ATXN1: variants seen among roughly 807,000 people sequenced by gnomAD.
The protein encoded by ATXN1 is ataxin 1.
ATXN1 carries 8 observed loss-of-function variants against 56.4 expected under a neutral mutation model. That is an observed-to-expected ratio of 0.14 (90% CI 0.08 to 0.26). The LOEUF is 0.26. ATXN1 is among the 10% of genes least tolerant of loss of function. The pLI is 1.00. For synonymous variants in ATXN1, 514 were observed against 494.6 expected, an observed-to-expected ratio of 1.04 and a Z score of -0.52; for missense variants, 987 against 1,106.5, an observed-to-expected ratio of 0.89 and a Z score of 1.53.
Position 16,512,112 on chromosome 6 carries a change from C to G in ATXN1, c.-299+10515G>C, listed in dbSNP as rs2671402. On this transcript the variant is annotated intron_variant, in intron 5 of 7. Transcript: ENST00000436367. ...AACAGAACACACAAAGGCCTCCCCG[C>G]CTCCATTCAGCGTCAGGGTGATAAA... Among the ~76,000 whole-genome samples the G allele has an allele frequency of 5.9e-3, 895 of 151,966 alleles. 6 individuals are homozygous for G. The highest frequency in any genetic ancestry group is 9.0e-3 in the Non-Finnish European group (609 of 67,934).
intron 4 of ATXN1, among the ~76,000 whole-genome samples, chr6:16,532,756 G>A (rs1460345273): frequency 6.6e-6 from 1 of 152,130 alleles, no homozygotes; most frequent in African/African-American, 2.4e-5. Flanking sequence ...CAAGGATGTG[G>A]ACAAATTGGA....
intron 2 of ATXN1, among the ~76,000 whole-genome samples, chr6:16,687,607 A>C (rs1758943865): frequency 6.6e-6 from 1 of 151,578 alleles, no homozygotes; most frequent in African/African-American, 2.4e-5. Context: ...AAAGACAGTG[A>C]CACTATGAAT....
intron 6 of ATXN1, among the ~76,000 whole-genome samples, chr6:16,390,976 C>G (rs1309706279): frequency 6.6e-6 from 1 of 152,118 alleles, no homozygotes; most frequent in African/African-American, 2.4e-5. Flanking sequence ...GCCTGGACAA[C>G]ATGGATAAAC....
At chr6:16,635,596 A>G (rs919640348) in intron 3 of ATXN1, among the ~76,000 whole-genome samples, 5 of 152,248 alleles carry the variant, frequency 3.3e-5, no homozygotes, top group African/African-American at 1.2e-4. Context: ...AACTAAACCT[A>G]CACTGCTGCT....
At chr6:16,627,668 A>G (rs1025482994) in intron 3 of ATXN1, among the ~76,000 whole-genome samples, 2 of 152,178 alleles carry the variant, frequency 1.3e-5, no homozygotes, top group African/African-American at 4.8e-5. Flanking sequence ...CAGAGGCTGC[A>G]GTGAGCTGAG....
chr6:16,655,950 C>T (rs1461270072), intron 3 of ATXN1, among the ~76,000 whole-genome samples: 1 of 151,738 alleles, frequency 6.6e-6, no homozygotes, highest in Non-Finnish European at 1.5e-5. Context: ...ATTAGCTGGG[C>T]ATGGTGGCAC....
At chr6:16,484,930 TG>T (rs1156888489) in intron 6 of ATXN1, among the ~76,000 whole-genome samples, 6 of 149,592 alleles carry the variant, frequency 4.0e-5, no homozygotes, top group Non-Finnish European at 5.9e-5. Context: ...GTTAAGAAGC[TG>T]GAAACCTAAA....
At chr6:16,540,274 T>C (rs1043592812) in intron 4 of ATXN1, among the ~76,000 whole-genome samples, 2 of 150,502 alleles carry the variant, frequency 1.3e-5, no homozygotes, top group African/African-American at 5.0e-5. Context: ...TGCAGTAGCA[T>C]GATCTCGGCT....
At position 16,323,074 on chromosome 6, in the gene ATXN1, G is replaced by C. The variant is rs371533785; in HGVS notation, c.1917+3320C>G. Reference sequence around the variant, plus strand: ...CTGCTCGTCTGCACCCTGGCTGTCAGTAGAGAGATTTAGTGATCTCACTAT... The same window carrying C: ...CTGCTCGTCTGCACCCTGGCTGTCACTAGAGAGATTTAGTGATCTCACTAT... On this transcript the variant is annotated intron_variant, in intron 7 of 7. Coordinates refer to ENST00000436367, the MANE Select transcript of ATXN1 (RefSeq NM_001128164.2). 2.5e-4 allele frequency among the ~76,000 whole-genome samples: 38 copies of C among 152,328 alleles called. 1 individual carries two copies. The South Asian group carries it at 7.9e-3, about 32-fold the overall frequency.
At chr6:16,408,746 A>T (rs1392104084) in intron 6 of ATXN1, among the ~76,000 whole-genome samples, 1 of 152,218 alleles carries the variant, frequency 6.6e-6, no homozygotes, top group Non-Finnish European at 1.5e-5. Context: ...TTCCAATTTT[A>T]AAAAACCTGT....
In ATXN1 at chr6:16,670,221, C is replaced by T. The variant is rs377255307; in HGVS notation, c.-614-12320G>A. Among the ~76,000 whole-genome samples, 17 of 152,314 alleles carry T rather than the reference C, an allele frequency of 1.1e-4. No homozygotes were observed. The East Asian group carries it at 2.7e-3, about 24-fold the overall frequency. The stretch of plus-strand genomic sequence containing the variant: ...TTATGCTACTTGAATCCTTCCCTTT[C>T]TGCCTCTCCAGCAAGTCTGGCTCTG... On this transcript the variant is annotated intron_variant, in intron 2 of 7. Coordinates refer to ENST00000436367, the MANE Select transcript of ATXN1 (RefSeq NM_001128164.2).
chr6:16,453,225 C>A (rs570849603), intron 6 of ATXN1, among the ~76,000 whole-genome samples: 1 of 152,238 alleles, frequency 6.6e-6, no homozygotes, highest in South Asian at 2.1e-4. Flanking sequence ...CTTTGGGATG[C>A]CGAGGCGGGT....
chr6:16,602,596 C>T (rs1387652830), intron 3 of ATXN1, among the ~76,000 whole-genome samples: 9 of 152,092 alleles, frequency 5.9e-5, no homozygotes, highest in South Asian at 4.2e-4. Flanking sequence ...GGACTACAGG[C>T]GCAGGCCACC....
At chr6:16,339,035 T>C (rs974599753) in intron 6 of ATXN1, among the ~76,000 whole-genome samples, 1 of 152,278 alleles carries the variant, frequency 6.6e-6, no homozygotes. Context: ...TCTGCCTGCT[T>C]TTCCACAATA....
chr6:16,523,514 ATGT>A (rs1761334276), intron 4 of ATXN1, among the ~76,000 whole-genome samples: 1 of 152,146 alleles, frequency 6.6e-6, no homozygotes, highest in Non-Finnish European at 1.5e-5. Flanking sequence ...CTGGATTAAA[ATGT>A]TGTGTTTTTT....
At chr6:16,675,725 A>AT (rs923517806) in intron 2 of ATXN1, among the ~76,000 whole-genome samples, 1 of 151,966 alleles carries the variant, frequency 6.6e-6, no homozygotes, top group Admixed American at 6.6e-5. Flanking sequence ...TACTAAAAAA[A>AT]ATATATAAAA....
At chr6:16,703,960 A>T (rs1266135931) in intron 2 of ATXN1, among the ~76,000 whole-genome samples, 1 of 152,254 alleles carries the variant, frequency 6.6e-6, no homozygotes, top group Non-Finnish European at 1.5e-5. Flanking sequence ...TGGAGGTTGC[A>T]GTGAGCTGAG....
chr6:16,753,352 A>G lies in ATXN1; in HGVS notation c.-729-5T>C, dbSNP rs1321541584. 1.1e-5 allele frequency: 5 copies of G among 456,780 alleles called. No homozygotes were observed. Among genetic ancestry groups the G allele is most frequent in the South Asian group, 3.1e-5 (2 of 64,568 alleles). 28.3% of individuals were successfully genotyped at this position (456,780 alleles called of 1,614,324 possible). On this transcript the variant is annotated splice_region_variant and splice_polypyrimidine_tract_variant and intron_variant, in intron 1 of 7. Transcript: ENST00000436367. The stretch of plus-strand genomic sequence containing the variant: ...GTGACTTGATGCACGATGCTCCTGC[A>G]ATGGTCGAGGGAGTGCAGGAGAGGA...
At chr6:16,583,059 A>T (rs1762556500) in intron 4 of ATXN1, among the ~76,000 whole-genome samples, 1 of 152,214 alleles carries the variant, frequency 6.6e-6, no homozygotes, top group African/African-American at 2.4e-5. Context: ...AATAATATAC[A>T]TGTGTGTATA....
Sources: gnomAD v4.1 joint callset for allele counts (sites outside exome capture counted in the v4.1 genomes callset) on GRCh38, gnomAD v4.1.1 for gene constraint, MANE v1.5 for transcripts, NCBI Gene and HGNC (gene_info 2026-07-23, HGNC 2026-07-21) for gene names.